Variants in RBMS3 observed in about 807,000 individuals in gnomAD.
RBMS3 encodes the protein RNA binding motif single stranded interacting protein 3, also known as RNA-binding motif, single-stranded-interacting protein 3.
A neutral mutation model predicts 66.8 loss-of-function variants in RBMS3; 27 were observed. That is an observed-to-expected ratio of 0.40 (90% confidence interval 0.30 to 0.56). RBMS3 has a LOEUF of 0.56. Among genes scored for constraint, RBMS3 ranks in the 20% least tolerant of loss-of-function variants. The pLI is 0.40. For missense variants in RBMS3, 513 were observed against 549.5 expected (o/e 0.93, Z 0.66); for synonymous variants, 188 against 183.0 (o/e 1.03, Z -0.22).
intron 3 of RBMS3, among the ~76,000 whole-genome samples, chr3:29,511,275 G>A (rs184745377): frequency 3.0e-4 from 46 of 152,250 alleles, no homozygotes; most frequent in East Asian, 2.9e-3. Flanking sequence ...CAGCCTGGGC[G>A]ACGGAGAGAG....
chr3:29,502,621 A>G (rs2044019082), intron 3 of RBMS3, among the ~76,000 whole-genome samples: 1 of 152,216 alleles, frequency 6.6e-6, no homozygotes, highest in African/African-American at 2.4e-5. Context: ...ATGAAAGCAC[A>G]TGTTCCTTTT....
chr3:29,956,850 T>C (rs1171003632), intron 12 of RBMS3, among the ~76,000 whole-genome samples: 1 of 152,058 alleles, frequency 6.6e-6, no homozygotes, highest in Non-Finnish European at 1.5e-5. Context: ...TAATCCTCAG[T>C]CCTTAGCCTG....
At chr3:29,384,153 A>G (rs1377391323) in intron 1 of RBMS3, among the ~76,000 whole-genome samples, 1 of 151,962 alleles carries the variant, frequency 6.6e-6, no homozygotes, top group Non-Finnish European at 1.5e-5. Flanking sequence ...GCATATCTAC[A>G]AAAAATACAA....
At chr3:29,999,432 T>C (rs1309737560) in intron 14 of RBMS3, among the ~76,000 whole-genome samples, 5 of 152,242 alleles carry the variant, frequency 3.3e-5, no homozygotes, top group Non-Finnish European at 7.3e-5. Flanking sequence ...CAAAGGATTA[T>C]AAATCATGCT....
intron 11 of RBMS3, among the ~76,000 whole-genome samples, chr3:29,936,472 G>T (rs1376942522): frequency 6.6e-6 from 1 of 151,942 alleles, no homozygotes; most frequent in East Asian, 1.9e-4. Flanking sequence ...TTTTGGAAAG[G>T]TGTCCTTTTT....
intron 2 of RBMS3, among the ~76,000 whole-genome samples, chr3:29,466,466 T>C (rs2042546881): frequency 6.6e-6 from 1 of 151,570 alleles, no homozygotes; most frequent in South Asian, 2.1e-4. Context: ...ATATTTAAGA[T>C]TTTTTTTTAG....
intron 4 of RBMS3, among the ~76,000 whole-genome samples, chr3:29,702,124 CAAG>C (rs1349149343): frequency 6.6e-6 from 1 of 151,876 alleles, no homozygotes; most frequent in East Asian, 1.9e-4. Context: ...GTGTCTAGCT[CAAG>C]GTTTGTAAAT....
chr3:29,450,421 A>G (rs760618060), intron 2 of RBMS3, among the ~76,000 whole-genome samples: 5 of 152,268 alleles, frequency 3.3e-5, no homozygotes, highest in African/African-American at 7.2e-5. Flanking sequence ...TTGATTTCCA[A>G]TTCTCTTAAG....
At chr3:29,696,708 G>A (rs2052295144) in intron 4 of RBMS3, among the ~76,000 whole-genome samples, 1 of 152,126 alleles carries the variant, frequency 6.6e-6, no homozygotes, top group Admixed American at 6.5e-5. Context: ...ATGCTTCTGG[G>A]GAGGTTCAGG....
chr3:29,726,737 T>C (rs1266434980), intron 4 of RBMS3, among the ~76,000 whole-genome samples: 4 of 152,110 alleles, frequency 2.6e-5, no homozygotes, highest in Admixed American at 2.0e-4. Flanking sequence ...CATTCCATGC[T>C]CATGGGTAGG....
chr3:29,919,824 T>A (rs1241943600), intron 10 of RBMS3, among the ~76,000 whole-genome samples: 1 of 152,228 alleles, frequency 6.6e-6, no homozygotes, highest in Non-Finnish European at 1.5e-5. Flanking sequence ...TTCAGCATTG[T>A]ACATTGTCAA....
At chr3:29,473,718 G>A (rs2042840847) in intron 2 of RBMS3, among the ~76,000 whole-genome samples, 2 of 152,222 alleles carry the variant, frequency 1.3e-5, no homozygotes, top group Admixed American at 1.3e-4. Context: ...GGGGGACCCA[G>A]TACACCCTCC....
intron 1 of RBMS3, among the ~76,000 whole-genome samples, chr3:29,284,779 ATGT>A (rs1332622782): frequency 6.6e-6 from 1 of 151,536 alleles, no homozygotes; most frequent in Non-Finnish European, 1.5e-5. Flanking sequence ...ATGTGTAACA[ATGT>A]TGTCATCCTG....
At chr3:29,686,538 A>T (rs1034571129) in intron 4 of RBMS3, among the ~76,000 whole-genome samples, 1 of 152,162 alleles carries the variant, frequency 6.6e-6, no homozygotes, top group Non-Finnish European at 1.5e-5. Context: ...AAAATTAAAA[A>T]GCCAGATGTG....
intron 5 of RBMS3, among the ~76,000 whole-genome samples, chr3:29,743,226 C>T (rs1386000445): frequency 6.6e-6 from 1 of 152,166 alleles, no homozygotes; most frequent in Non-Finnish European, 1.5e-5. Flanking sequence ...TTTGATCATT[C>T]ACAACTTAAT....
In RBMS3 at chr3:29,498,037, C is replaced by T. The variant is rs375686900; in HGVS notation, c.307+9538C>T. The stretch of plus-strand genomic sequence containing the variant: ...GGAGACAGAGTCTTGCTCTGTTGCC[C>T]AGGCTGGAGTGCAGTGGTGCGATCT... On this transcript the variant is annotated intron_variant, in intron 3 of 14. Transcript: ENST00000383767. Among the ~76,000 whole-genome samples, 4 of 114,164 alleles carry T rather than the reference C, an allele frequency of 3.5e-5. 1 individual carries two copies. The South Asian group carries it at 1.2e-3, about 33-fold the overall frequency. The allele number at this position is 114,164 out of a possible 152,430, so 74.9% of individuals were successfully genotyped here.
chr3:29,905,286 G>A (rs1167453499), intron 10 of RBMS3, among the ~76,000 whole-genome samples: 1 of 152,024 alleles, frequency 6.6e-6, no homozygotes, highest in South Asian at 2.1e-4. Flanking sequence ...TAGAGCATCT[G>A]TATTCCATGC....
At chr3:29,623,964 G>A (rs1027014734) in intron 4 of RBMS3, among the ~76,000 whole-genome samples, 2 of 152,162 alleles carry the variant, frequency 1.3e-5, no homozygotes, top group Non-Finnish European at 2.9e-5. Context: ...GGAAAAAAAA[G>A]CAGACTGCCA....
chr3:29,679,730 A>G (rs1396483098), intron 4 of RBMS3, among the ~76,000 whole-genome samples: 1 of 150,792 alleles, frequency 6.6e-6, no homozygotes, highest in Non-Finnish European at 1.5e-5. Flanking sequence ...ACAATGGGTG[A>G]GTTAATATGC....
Sources: gnomAD v4.1 joint callset for allele counts (sites outside exome capture counted in the v4.1 genomes callset) on GRCh38, gnomAD v4.1.1 for gene constraint, MANE v1.5 for transcripts, NCBI Gene and HGNC (gene_info 2026-07-23, HGNC 2026-07-21) for gene names.